ADGRV1: variants seen among roughly 807,000 people sequenced by gnomAD.
ADGRV1 encodes the protein G-protein coupled receptor 98.
ADGRV1 carries 359 observed loss-of-function variants against 596.2 expected under a neutral mutation model. The observed-to-expected ratio is 0.60, with a 90% CI of 0.55 to 0.66. The LOEUF (loss-of-function observed/expected upper bound fraction) is 0.66. Among genes scored for constraint, ADGRV1 ranks in the 30% least tolerant of loss-of-function variants. ADGRV1 has a pLI of 0.00. For synonymous variants in ADGRV1, 2,681 were observed against 2,679.2 expected, an observed-to-expected ratio of 1.00 and a Z score of -0.02; for missense variants, 7,274 against 7,575.6, an observed-to-expected ratio of 0.96 and a Z score of 1.48.
chr5:91,120,663 T>C (rs1375423436), intron 87 of ADGRV1, among the ~76,000 whole-genome samples: 1 of 152,110 alleles, frequency 6.6e-6, no homozygotes, highest in East Asian at 1.9e-4. Context: ...AGTCCATAGC[T>C]GATCTGAGAA....
chr5:90,828,038 A>C (rs1296501015), intron 76 of ADGRV1, among the ~76,000 whole-genome samples: 1 of 152,198 alleles, frequency 6.6e-6, no homozygotes, highest in Admixed American at 6.5e-5. Context: ...AATATTGCTA[A>C]GATTTGTGGA....
rs1451372382 is a variant in ADGRV1, at chr5:90,971,961, C to T, written c.17973+6430C>T. ...TGTGCTGTATTCAGGAGACCCATCT[C>T]ATGGGCAGAGACACACATAGGCTAA... On this transcript the variant is annotated intron_variant, in intron 84 of 89. Transcript: ENST00000405460. Among the ~76,000 whole-genome samples, 4 of 152,276 alleles carry T rather than the reference C, an allele frequency of 2.6e-5. No individual in the cohort carries two copies. In the South Asian group the frequency reaches 6.2e-4, roughly 24 times the overall value.
At position 90,685,837 on chromosome 5, in the gene ADGRV1, T is replaced by C. The variant is rs776199730; in HGVS notation, c.6332T>C (p.Ile2111Thr). The C allele has an allele frequency of 9.3e-5, 150 of 1,612,262 alleles. No individual in the cohort carries two copies. The highest frequency in any genetic ancestry group is 1.2e-4 in the Non-Finnish European group (145 of 1,178,930). The change falls in exon 29 of 90, where the codon ATT (isoleucine) becomes ACT (threonine). Residue 2111 changes from isoleucine to threonine, a missense_variant. By Grantham distance (89) the Ile-to-Thr change is moderately conservative (BLOSUM62 -1). Around this residue, in one of 5 missense-constraint regions of ADGRV1, gnomAD observed 3,643 missense variants for 3,809.2 expected, o/e 0.96. Transcript: ENST00000405460. ...GAAACTATTGCGCAACTAATTATCA[T>C]TGCCAATGATGATGCATTTGGAACT... ...KVETIAQLII[I>T]ANDDAFGTLQ...
At chr5:90,923,766 G>T (rs1346619304) in intron 83 of ADGRV1, among the ~76,000 whole-genome samples, 1 of 152,020 alleles carries the variant, frequency 6.6e-6, no homozygotes, top group Non-Finnish European at 1.5e-5. Context: ...ATCTCCCAGT[G>T]CTATCCCTCC....
At chr5:90,908,968 G>A (rs140412903) in intron 83 of ADGRV1, among the ~76,000 whole-genome samples, 1 of 152,178 alleles carries the variant, frequency 6.6e-6, no homozygotes, top group South Asian at 2.1e-4. Context: ...GTGATTTTAA[G>A]GATGAGTAGG....
intron 59 of ADGRV1, among the ~76,000 whole-genome samples, chr5:90,768,597 G>T (rs1167137459): frequency 1.3e-5 from 2 of 152,204 alleles, no homozygotes; most frequent in Non-Finnish European, 2.9e-5. Flanking sequence ...TGACTGTGGA[G>T]TCACCATTGC....
chr5:90,644,103 A>G (rs1366163619), intron 14 of ADGRV1, 120 bp downstream of exon 14: 12 of 713,148 alleles, frequency 1.7e-5, no homozygotes, highest in Non-Finnish European at 2.4e-5. Context: ...GAAATTACAC[A>G]TAGTGCGGAA....
chr5:91,137,497 G>T (rs1407694036), intron 87 of ADGRV1, among the ~76,000 whole-genome samples: 1 of 152,168 alleles, frequency 6.6e-6, no homozygotes, highest in East Asian at 1.9e-4. Context: ...GTAGCTCTAT[G>T]AAGCAGGTAC....
chr5:90,909,972 A>T (rs1008958132), intron 83 of ADGRV1, among the ~76,000 whole-genome samples: 2 of 152,262 alleles, frequency 1.3e-5, no homozygotes, highest in African/African-American at 2.4e-5. Context: ...TTGGTCACAT[A>T]TCAACTTTGG....
chr5:90,779,218 TTG>T, intron 64 of ADGRV1, 121 bp downstream of exon 64: 1 of 583,674 alleles, frequency 1.7e-6, no homozygotes, highest in African/African-American at 1.9e-5. Context: ...TTTCTCAGAT[TTG>T]TGTGACATTA....
intron 45 of ADGRV1, 122 bp from the exon 46 acceptor site, chr5:90,724,710 G>T: frequency 1.2e-6 from 1 of 825,786 alleles, no homozygotes; most frequent in Non-Finnish European, 2.0e-6. Context: ...TCATACACAC[G>T]TCATGAAAGA....
intron 50 of ADGRV1, among the ~76,000 whole-genome samples, chr5:90,742,022 T>C (rs899737615): frequency 6.6e-6 from 1 of 152,184 alleles, no homozygotes; most frequent in South Asian, 2.1e-4. Context: ...TACAAACTTA[T>C]CTTCGCTTTC....
rs1057519383 is a variant in ADGRV1 at position 90,790,948 on chromosome 5, G to A, written c.14119G>A (p.Asp4707Asn). The change falls in exon 70 of 90, where the codon GAT becomes AAT. Residue 4707 changes from aspartate (D) to asparagine (N), a missense_variant. This residue lies in a region of ADGRV1 where 1,874 missense variants were observed against 1,970.2 expected (regional missense o/e 0.95). Transcript: ENST00000405460. Reference sequence around the variant, plus strand: ...CACCAGTGGATTTTTCACCATTGCTGATGGAGAGAGTGAAGCTAGCTTTGA... The same window carrying A: ...CACCAGTGGATTTTTCACCATTGCTAATGGAGAGAGTGAAGCTAGCTTTGA... ...LSTSGFFTIA[D>N]GESEASFDVH... The A allele has an allele frequency of 3.1e-6, 5 of 1,612,826 alleles. No individual in the cohort carries two copies. The highest frequency in any genetic ancestry group is 4.2e-6 in the Non-Finnish European group (5 of 1,179,838).
At chr5:91,073,351 G>A (rs1420124056) in intron 86 of ADGRV1, among the ~76,000 whole-genome samples, 1 of 152,174 alleles carries the variant, frequency 6.6e-6, no homozygotes, top group Non-Finnish European at 1.5e-5. Context: ...AGGAACAGAA[G>A]TCTTCTTTTT....
At chr5:90,842,749 C>A (rs893743181) in intron 78 of ADGRV1, among the ~76,000 whole-genome samples, 3 of 151,968 alleles carry the variant, frequency 2.0e-5, no homozygotes, top group African/African-American at 7.3e-5. Context: ...AAGTAGAAAA[C>A]ATCATTTGAA....
chr5:90,877,796 G>C lies in ADGRV1; in HGVS notation c.17856+13939G>C, dbSNP rs548420223. Among the ~76,000 whole-genome samples the C allele has an allele frequency of 2.0e-5, 3 of 150,978 alleles. No individual in the cohort carries two copies. In the South Asian group the frequency reaches 6.3e-4, roughly 32 times the overall value. ...GCTATCACATATTAAAGACTCACAA[G>C]ACATAAATCAATACAACTTTACCTT... On this transcript the variant is annotated intron_variant, in intron 83 of 89. Coordinates refer to ENST00000405460, the MANE Select transcript of ADGRV1 (RefSeq NM_032119.4).
intron 86 of ADGRV1, among the ~76,000 whole-genome samples, chr5:91,087,423 A>C (rs2126551597): frequency 6.6e-6 from 1 of 151,674 alleles, no homozygotes; most frequent in African/African-American, 2.4e-5. Context: ...CAGCCTCCCA[A>C]GTAGCTGAGA....
intron 25 of ADGRV1, among the ~76,000 whole-genome samples, chr5:90,678,833 C>T (rs576805313): frequency 4.9e-4 from 75 of 151,910 alleles, no homozygotes; most frequent in Non-Finnish European, 8.4e-4. Flanking sequence ...GTTGCATTTG[C>T]GATTAAATTT....
intron 87 of ADGRV1, among the ~76,000 whole-genome samples, chr5:91,108,031 G>C (rs4398666): frequency 6.6e-6 from 1 of 152,118 alleles, no homozygotes; most frequent in African/African-American, 2.4e-5. Flanking sequence ...TTCAATCCAG[G>C]TGACATTACT....
Sources: allele counts gnomAD v4.1 joint callset (sites outside exome capture counted in the v4.1 genomes callset), GRCh38; gene constraint gnomAD v4.1.1; regional missense constraint gnomAD v4.1.1; transcripts MANE v1.5; gene names NCBI Gene and HGNC (gene_info 2026-07-23, HGNC 2026-07-21).